The following GALNT17 variants were observed in gnomAD, a reference collection of about 807,000 sequenced individuals.
The protein encoded by GALNT17 is polypeptide N-acetylgalactosaminyltransferase 17, also known as UDP-GalNAc:polypeptide N-acetylgalactosaminyltransferase-like 3.
Under a neutral mutation model 63.7 loss-of-function variants are expected in GALNT17, and 29 were observed. The observed-to-expected ratio is 0.46, with a 90% CI of 0.34 to 0.62. The LOEUF is 0.62. Ranked by LOEUF, GALNT17 falls within the 20% of genes least tolerant of loss-of-function variation. The probability of loss-of-function intolerance (pLI) is 0.01; values close to 1 mark genes in which losing one functional copy is unlikely to be tolerated. For synonymous variants in GALNT17, 305 were observed against 318.3 expected (o/e 0.96, Z 0.45); for missense variants, 603 against 799.6 (o/e 0.75, Z 2.97).
chr7:71,638,862 T>C (rs1487573494), intron 6 of GALNT17, among the ~76,000 whole-genome samples: 1 of 152,122 alleles, frequency 6.6e-6, no homozygotes, highest in Non-Finnish European at 1.5e-5. Flanking sequence ...GTCTCACTTA[T>C]TTGTGGGATC....
At chr7:71,311,483 T>C (rs1273479699) in intron 1 of GALNT17, among the ~76,000 whole-genome samples, 2 of 152,112 alleles carry the variant, frequency 1.3e-5, no homozygotes, top group African/African-American at 4.8e-5. Context: ...AAATAAAAAA[T>C]AAATTAATGG....
chr7:71,243,068 C>T (rs1790028842), intron 1 of GALNT17, among the ~76,000 whole-genome samples: 1 of 152,116 alleles, frequency 6.6e-6, no homozygotes, highest in African/African-American at 2.4e-5. Context: ...GAGGGAGGGT[C>T]CAGGTGGGAG....
chr7:71,264,575 C>G (rs927499719), intron 1 of GALNT17, among the ~76,000 whole-genome samples: 2 of 152,088 alleles, frequency 1.3e-5, no homozygotes, highest in Admixed American at 1.3e-4. Context: ...TAGAATCAAA[C>G]TAAGTGTCCA....
At chr7:71,377,114 A>AAAAAAAC in intron 2 of GALNT17, among the ~76,000 whole-genome samples, 1 of 57,486 alleles carries the variant, frequency 1.7e-5, no homozygotes, top group Non-Finnish European at 3.0e-5. Flanking sequence ...AAATAAAAAA[A>AAAAAAAC]ATATATATAT....
chr7:71,599,323 G>A (rs1355612762), intron 6 of GALNT17, among the ~76,000 whole-genome samples: 1 of 152,126 alleles, frequency 6.6e-6, no homozygotes, highest in Non-Finnish European at 1.5e-5. Context: ...TTAAAGGTTT[G>A]TTGCCACCCT....
intron 5 of GALNT17, among the ~76,000 whole-genome samples, chr7:71,520,313 C>T (rs1274364636): frequency 6.6e-6 from 1 of 152,078 alleles, no homozygotes; most frequent in African/African-American, 2.4e-5. Context: ...CACCTGAGGT[C>T]AGGAGTTTGA....
At chr7:71,370,375 T>G (rs1424570814) in intron 2 of GALNT17, among the ~76,000 whole-genome samples, 1 of 152,206 alleles carries the variant, frequency 6.6e-6, no homozygotes, top group Admixed American at 6.5e-5. Flanking sequence ...CATGGCTCAC[T>G]GCAGCCTTGA....
intron 1 of GALNT17, among the ~76,000 whole-genome samples, chr7:71,328,108 A>G (rs1481882065): frequency 6.6e-6 from 1 of 152,154 alleles, no homozygotes; most frequent in Non-Finnish European, 1.5e-5. Flanking sequence ...AGGATATTTG[A>G]TATGGTTGCA....
intron 1 of GALNT17, among the ~76,000 whole-genome samples, chr7:71,178,470 G>A (rs945154199): frequency 1.1e-4 from 16 of 152,088 alleles, no homozygotes; most frequent in East Asian, 3.9e-4. Flanking sequence ...ATTTCTTCAC[G>A]TCTTTTCTGC....
chr7:71,536,268 T>C (rs1431643251), intron 5 of GALNT17, among the ~76,000 whole-genome samples: 1 of 152,060 alleles, frequency 6.6e-6, no homozygotes, highest in Non-Finnish European at 1.5e-5. Context: ...GGGTCTCACC[T>C]TTTCTCCAGG....
At chr7:71,641,327 T>C (rs1011359381) in intron 6 of GALNT17, among the ~76,000 whole-genome samples, 3 of 152,226 alleles carry the variant, frequency 2.0e-5, no homozygotes, top group Non-Finnish European at 4.4e-5. Context: ...TTGACCTTCA[T>C]TTCCTCATCT....
chr7:71,270,969 A>G (rs759810002), intron 1 of GALNT17, among the ~76,000 whole-genome samples: 6 of 152,154 alleles, frequency 3.9e-5, no homozygotes, highest in African/African-American at 9.6e-5. Context: ...GAAAAGAAAA[A>G]AAAAGACTGG....
At position 71,305,090 on chromosome 7, in the gene GALNT17, G is replaced by A. The variant is rs1791265163; in HGVS notation, c.239-30460G>A. ...AAGGAGATGCATAGAACACGTTTGG[G>A]GTAGAGGTAGATGTAGCTATAGATA... On this transcript the variant is annotated intron_variant, in intron 1 of 10. Transcript: ENST00000333538. 2.0e-5 allele frequency among the ~76,000 whole-genome samples: 3 copies of A among 152,226 alleles called. No homozygotes were observed. The South Asian group carries it at 6.2e-4, about 32-fold the overall frequency.
At chr7:71,551,873 G>T (rs1290579305) in intron 5 of GALNT17, among the ~76,000 whole-genome samples, 1 of 152,008 alleles carries the variant, frequency 6.6e-6, no homozygotes, top group East Asian at 1.9e-4. Flanking sequence ...GTTTACTTCT[G>T]CCAAGAGCAC....
chr7:71,179,298 C>T (rs1788694658), intron 1 of GALNT17, among the ~76,000 whole-genome samples: 1 of 152,186 alleles, frequency 6.6e-6, no homozygotes, highest in African/African-American at 2.4e-5. Context: ...CTCCTCCATG[C>T]TTTGAGTTGT....
At chr7:71,555,153 C>T (rs986145102) in intron 5 of GALNT17, among the ~76,000 whole-genome samples, 9 of 152,138 alleles carry the variant, frequency 5.9e-5, no homozygotes, top group Non-Finnish European at 1.3e-4. Context: ...CCAAACCATT[C>T]ATGAGGGGTC....
chr7:71,384,104 T>C (rs909707955), intron 2 of GALNT17, among the ~76,000 whole-genome samples: 5 of 152,216 alleles, frequency 3.3e-5, no homozygotes, highest in African/African-American at 7.2e-5. Flanking sequence ...ACACTTGTTA[T>C]TTTCAGGTTT....
rs551905498 is a variant in GALNT17, at chr7:71,170,438, C to T, written c.238+37398C>T. Among the ~76,000 whole-genome samples, 10 of 152,100 alleles carry T rather than the reference C, an allele frequency of 6.6e-5. No homozygotes were observed. The South Asian group carries it at 2.1e-3, about 32-fold the overall frequency. ...GCAACCTCTGCCTCCCGGGTTCGAG[C>T]GATTCTCCTGCTTCAGCTTCCTGAG... On this transcript the variant is annotated intron_variant, in intron 1 of 10. Transcript: ENST00000333538.
At chr7:71,424,462 GT>G (rs1198743670) in intron 5 of GALNT17, among the ~76,000 whole-genome samples, 3 of 152,180 alleles carry the variant, frequency 2.0e-5, no homozygotes, top group African/African-American at 4.8e-5. Flanking sequence ...TTGTCTCTGG[GT>G]GTGTAAGGTT....
Sources: allele counts gnomAD v4.1 joint callset (sites outside exome capture counted in the v4.1 genomes callset), GRCh38; gene constraint gnomAD v4.1.1; transcripts MANE v1.5; gene names NCBI Gene and HGNC (gene_info 2026-07-23, HGNC 2026-07-21).